PTPRG: variants seen among roughly 807,000 people sequenced by gnomAD.
PTPRG encodes protein tyrosine phosphatase receptor type G.
PTPRG carries 102 observed loss-of-function variants against 165.3 expected under a neutral mutation model. The observed-to-expected ratio is 0.62, with a 90% CI of 0.53 to 0.73. PTPRG has a LOEUF of 0.73. Among genes scored for constraint, PTPRG ranks in the 30% least tolerant of loss-of-function variants. The pLI, the probability that PTPRG is intolerant of heterozygous loss-of-function variation, is 0.00. For missense variants in PTPRG, 1,866 were observed against 1,861.4 expected (o/e 1.00, Z -0.05); for synonymous variants, 675 against 669.5 (o/e 1.01, Z -0.13).
At chr3:61,673,572 TTTA>T (rs1703109200) in intron 1 of PTPRG, among the ~76,000 whole-genome samples, 1 of 152,250 alleles carries the variant, frequency 6.6e-6, no homozygotes, top group Non-Finnish European at 1.5e-5. Context: ...ATGGAATTCT[TTTA>T]TTATTGTTTG....
At chr3:61,994,269 C>T (rs191437589) in intron 3 of PTPRG, among the ~76,000 whole-genome samples, 7 of 152,194 alleles carry the variant, frequency 4.6e-5, no homozygotes, top group East Asian at 3.9e-4. Context: ...GTTAATAAGA[C>T]GTGGCCTTCT....
chr3:61,743,497 C>G (rs1472166527), intron 1 of PTPRG, among the ~76,000 whole-genome samples: 2 of 149,548 alleles, frequency 1.3e-5, no homozygotes, highest in African/African-American at 2.4e-5. Flanking sequence ...GTTTGTCAGG[C>G]CATGGGTGTC....
chr3:61,622,323 A>G (rs1701482918), intron 1 of PTPRG, among the ~76,000 whole-genome samples: 1 of 152,186 alleles, frequency 6.6e-6, no homozygotes, highest in Admixed American at 6.5e-5. Context: ...GCACAAGGTA[A>G]AGAAGGGGGA....
intron 16 of PTPRG, among the ~76,000 whole-genome samples, chr3:62,260,086 C>A (rs1429909030): frequency 6.6e-6 from 1 of 152,134 alleles, no homozygotes; most frequent in African/African-American, 2.4e-5. Context: ...GTAACCAGCA[C>A]CTGTCAAAGG....
intron 2 of PTPRG, among the ~76,000 whole-genome samples, chr3:61,900,268 G>A (rs1217136035): frequency 6.6e-6 from 1 of 151,976 alleles, no homozygotes; most frequent in Non-Finnish European, 1.5e-5. Flanking sequence ...CACATTTTCC[G>A]GTTTGTTTTG....
In PTPRG at chr3:62,044,061, ACT is replaced by A. The variant is rs550405093; in HGVS notation, c.520-34095_520-34094del. On this transcript the variant is annotated intron_variant, in intron 4 of 29. Coordinates refer to ENST00000474889, the MANE Select transcript of PTPRG (RefSeq NM_002841.4). ...CAGCACCCTCTTTGGAGCCATGAAC[ACT>A]CTCTCTTAACTTCTTCTCAGAACCT... Among the ~76,000 whole-genome samples the A allele has an allele frequency of 1.5e-3, 225 of 152,210 alleles. 1 individual carries two copies. The highest frequency in any genetic ancestry group is 6.4e-3 in the South Asian group (31 of 4,816).
At chr3:62,004,068 C>G (rs2041235072) in intron 4 of PTPRG, among the ~76,000 whole-genome samples, 1 of 152,124 alleles carries the variant, frequency 6.6e-6, no homozygotes, top group African/African-American at 2.4e-5. Flanking sequence ...TGTGGGTGCA[C>G]TAGGTCAGAT....
intron 4 of PTPRG, among the ~76,000 whole-genome samples, chr3:62,012,039 A>T (rs976419580): frequency 6.6e-6 from 1 of 152,208 alleles, no homozygotes; most frequent in Non-Finnish European, 1.5e-5. Context: ...TAGAAGGCTT[A>T]GGGTAGTGGC....
chr3:62,034,597 A>G lies in PTPRG; in HGVS notation c.519+31100A>G, dbSNP rs540499667. Among the ~76,000 whole-genome samples the G allele has an allele frequency of 2.3e-4, 35 of 152,308 alleles. 2 individuals are homozygous for G. The South Asian group carries it at 7.3e-3, about 32-fold the overall frequency. The stretch of plus-strand genomic sequence containing the variant: ...GTTCGTCAGTTACACTTAGAGGTAG[A>G]TATCCATTAAAATTCTTACCAGCTG... On this transcript the variant is annotated intron_variant, in intron 4 of 29. Transcript: ENST00000474889.
At chr3:61,637,981 T>G (rs972240212) in intron 1 of PTPRG, among the ~76,000 whole-genome samples, 1 of 152,184 alleles carries the variant, frequency 6.6e-6, no homozygotes, top group Non-Finnish European at 1.5e-5. Flanking sequence ...CGGATTCCAC[T>G]TATCACTTGG....
At chr3:61,797,778 G>A (rs531324353) in intron 2 of PTPRG, among the ~76,000 whole-genome samples, 31 of 152,230 alleles carry the variant, frequency 2.0e-4, no homozygotes, top group South Asian at 1.0e-3. Context: ...GGAGTGTGGT[G>A]TGGAGAAGGA....
At chr3:61,578,797 T>G (rs965083764) in intron 1 of PTPRG, among the ~76,000 whole-genome samples, 1 of 152,186 alleles carries the variant, frequency 6.6e-6, no homozygotes, top group Admixed American at 6.5e-5. Context: ...AAGGCACAGC[T>G]GGGAAAACCC....
intron 1 of PTPRG, among the ~76,000 whole-genome samples, chr3:61,689,311 G>A (rs190276442): frequency 3.3e-5 from 5 of 152,128 alleles, no homozygotes; most frequent in Non-Finnish European, 5.9e-5. Flanking sequence ...ACATTCACAC[G>A]TTTACACACA....
At chr3:61,820,808 C>T (rs1346019993) in intron 2 of PTPRG, among the ~76,000 whole-genome samples, 1 of 151,826 alleles carries the variant, frequency 6.6e-6, no homozygotes, top group Non-Finnish European at 1.5e-5. Flanking sequence ...CCTCTGTGAC[C>T]GCAGTGAGAA....
intron 8 of PTPRG, among the ~76,000 whole-genome samples, chr3:62,176,470 G>A (rs2106760523): frequency 6.6e-6 from 1 of 152,260 alleles, no homozygotes; most frequent in South Asian, 2.1e-4. Flanking sequence ...CTTGCAAGTG[G>A]TGCCTCTGTG....
At chr3:61,751,933 C>G (rs1449071191) in intron 2 of PTPRG, among the ~76,000 whole-genome samples, 1 of 151,830 alleles carries the variant, frequency 6.6e-6, no homozygotes, top group Non-Finnish European at 1.5e-5. Context: ...GCGGAGCTTG[C>G]AGTGAGCCGA....
At chr3:61,634,528 C>T (rs1178448055) in intron 1 of PTPRG, among the ~76,000 whole-genome samples, 1 of 151,838 alleles carries the variant, frequency 6.6e-6, no homozygotes, top group Admixed American at 6.6e-5. Context: ...CGTGAGCCAC[C>T]GTGCCCGGCT....
rs1559709497 is a variant in PTPRG at position 62,252,888 on chromosome 3, T to C, written c.2468-2236T>C. On this transcript the variant is annotated intron_variant, in intron 15 of 29. Coordinates refer to ENST00000474889, the MANE Select transcript of PTPRG (RefSeq NM_002841.4). The surrounding 1 kb of genome is among the most constrained non-coding windows in gnomAD (Gnocchi z 4.6). ...CTGTCTGGTACTTTTGTGACATTAT[T>C]GGTGGTGCCTGGAAACCCAGAGGGT... 6.6e-6 allele frequency among the ~76,000 whole-genome samples: 1 copy of C among 152,158 alleles called. No homozygotes were observed. Among genetic ancestry groups the C allele is most frequent in the Non-Finnish European group, 1.5e-5 (1 of 68,024 alleles).
intron 8 of PTPRG, among the ~76,000 whole-genome samples, chr3:62,174,476 A>C (rs936712140): frequency 1.3e-5 from 2 of 152,126 alleles, no homozygotes; most frequent in East Asian, 3.9e-4. Context: ...TTTTTTAGCT[A>C]TGTTTTCAAT....
Sources: gnomAD v4.1 joint callset for allele counts (sites outside exome capture counted in the v4.1 genomes callset) on GRCh38, gnomAD v4.1.1 for gene constraint, Gnocchi (gnomAD v3.1) non-coding constraint, MANE v1.5 for transcripts, NCBI Gene and HGNC (gene_info 2026-07-23, HGNC 2026-07-21) for gene names.